Variants in HCRTR2 observed in about 807,000 individuals in gnomAD.
The protein encoded by HCRTR2 is hypocretin receptor 2, also known as orexin receptor type 2.
HCRTR2 carries 22 observed loss-of-function variants against 49.0 expected under a neutral mutation model. The ratio of observed to expected loss-of-function variants is 0.45; its 90% CI spans 0.32 to 0.64. The LOEUF is 0.64. HCRTR2 is among the 30% of genes least tolerant of loss of function. HCRTR2 has a pLI of 0.04. For synonymous variants in HCRTR2, 236 were observed against 205.3 expected, an observed-to-expected ratio of 1.15 and a Z score of -1.28; for missense variants, 491 against 559.4, an observed-to-expected ratio of 0.88 and a Z score of 1.23.
At chr6:55,113,106 C>T (rs545907975) in intron 1 of HCRTR2, among the ~76,000 whole-genome samples, 2 of 152,020 alleles carry the variant, frequency 1.3e-5, no homozygotes, top group Admixed American at 1.3e-4. Flanking sequence ...ATCCTCATTT[C>T]TCACCTTATA....
chr6:55,212,555 T>G (rs1233541036), intron 1 of HCRTR2, among the ~76,000 whole-genome samples: 2 of 152,264 alleles, frequency 1.3e-5, no homozygotes, highest in Non-Finnish European at 2.9e-5. Context: ...GAAGATTCTT[T>G]TGGGCCTCTT....
intron 3 of HCRTR2, among the ~76,000 whole-genome samples, chr6:55,257,597 T>TG (rs59889056): frequency 0.17 from 26,216 of 151,798 alleles, 2,748 homozygotes; most frequent in Non-Finnish European, 0.24. Context: ...CATGGATTCC[T>TG]GTTCAGTTAT....
intron 1 of HCRTR2, among the ~76,000 whole-genome samples, chr6:55,132,362 G>A (rs1037312203): frequency 6.6e-6 from 1 of 151,838 alleles, no homozygotes; most frequent in Non-Finnish European, 1.5e-5. Flanking sequence ...TGTCTGAAGT[G>A]CAGTAGCGAG....
At chr6:55,224,129 A>G (rs773531724) in intron 1 of HCRTR2, among the ~76,000 whole-genome samples, 2 of 152,168 alleles carry the variant, frequency 1.3e-5, no homozygotes, top group Non-Finnish European at 2.9e-5. Context: ...AAAGTGTTGT[A>G]TTTTCTTAAA....
intron 1 of HCRTR2, among the ~76,000 whole-genome samples, chr6:55,143,013 C>A (rs955926815): frequency 7.3e-6 from 1 of 136,952 alleles, no homozygotes; most frequent in East Asian, 1.9e-4. Flanking sequence ...GATAGACAGA[C>A]AGACAGATAG....
In HCRTR2 at chr6:55,280,270, C is replaced by T. The variant is rs528553321; in HGVS notation, c.984-53C>T. 5.4e-5 allele frequency: 65 copies of T among 1,205,548 alleles called. No homozygotes were observed. In the African/African-American group the frequency reaches 8.7e-4, roughly 16 times the overall value. The allele number at this position is 1,205,548 out of a possible 1,614,324, so 74.7% of individuals were successfully genotyped here. On this transcript the variant is annotated intron_variant, in intron 5 of 6. Transcript: ENST00000370862. ...CATCCTCTACCAATAGCCTTGTTCA[C>T]CTTTGAATTTAATTATTTAAAAGAC...
chr6:55,210,884 C>G (rs894750409), intron 1 of HCRTR2, among the ~76,000 whole-genome samples: 2 of 152,254 alleles, frequency 1.3e-5, no homozygotes, highest in African/African-American at 4.8e-5. Flanking sequence ...ATTGTTTTTA[C>G]TTCCTAAGAG....
intron 6 of HCRTR2, among the ~76,000 whole-genome samples, chr6:55,281,502 T>G (rs933705136): frequency 6.6e-6 from 1 of 152,214 alleles, no homozygotes; most frequent in African/African-American, 2.4e-5. Flanking sequence ...TGACTGCTAT[T>G]GTGCTGGGCC....
chr6:55,284,668 T>C, downstream of HCRTR2, among the ~76,000 whole-genome samples: 1 of 150,900 alleles, frequency 6.6e-6, no homozygotes, highest in East Asian at 1.9e-4. Context: ...TGTCATCTTA[T>C]TAAAAAAAAA....
chr6:55,151,837 G>A (rs1403696437), intron 1 of HCRTR2, among the ~76,000 whole-genome samples: 2 of 151,274 alleles, frequency 1.3e-5, no homozygotes, highest in African/African-American at 4.8e-5. Context: ...TTTGATCCAT[G>A]GACTACAAAG....
At chr6:55,134,803 C>A (rs1464220699) in intron 1 of HCRTR2, among the ~76,000 whole-genome samples, 1 of 151,996 alleles carries the variant, frequency 6.6e-6, no homozygotes. Context: ...TTGCAAATGG[C>A]AGGATTTCCT....
intron 1 of HCRTR2, among the ~76,000 whole-genome samples, chr6:55,246,918 G>A (rs1766455817): frequency 6.6e-6 from 1 of 152,008 alleles, no homozygotes; most frequent in Non-Finnish European, 1.5e-5. Context: ...TAGATATAAT[G>A]CATTAAGTCT....
At chr6:55,221,621 G>T (rs954384216) in intron 1 of HCRTR2, among the ~76,000 whole-genome samples, 1 of 152,150 alleles carries the variant, frequency 6.6e-6, no homozygotes, top group South Asian at 2.1e-4. Flanking sequence ...AGACCATCCT[G>T]GCTAACACAG....
At chr6:55,185,986 G>A (rs1765210890) in intron 1 of HCRTR2, among the ~76,000 whole-genome samples, 1 of 152,196 alleles carries the variant, frequency 6.6e-6, no homozygotes, top group African/African-American at 2.4e-5. Flanking sequence ...CTCTTAGAAT[G>A]CCAGCTTTGA....
intron 1 of HCRTR2, among the ~76,000 whole-genome samples, chr6:55,230,654 T>G (rs1188414610): frequency 4.6e-5 from 7 of 152,186 alleles, no homozygotes; most frequent in Non-Finnish European, 8.8e-5. Flanking sequence ...TAAACCACAG[T>G]ACACAGTTTT....
intron 1 of HCRTR2, among the ~76,000 whole-genome samples, chr6:55,240,209 T>A (rs1327661574): frequency 3.3e-5 from 5 of 151,362 alleles, no homozygotes; most frequent in African/African-American, 1.2e-4. Context: ...TACAAAAAAA[T>A]TAGCCAGGCG....
At chr6:55,208,078 G>A (rs1010272915) in intron 1 of HCRTR2, among the ~76,000 whole-genome samples, 1 of 151,988 alleles carries the variant, frequency 6.6e-6, no homozygotes, top group East Asian at 1.9e-4. Flanking sequence ...GAAAAATCAC[G>A]GATTGTTACC....
chr6:55,175,305 G>A lies in HCRTR2; in HGVS notation c.223+495G>A, dbSNP rs140755492. 4.3e-3 allele frequency among the ~76,000 whole-genome samples: 655 copies of A among 152,288 alleles called. 7 individuals are homozygous for A. The highest frequency in any genetic ancestry group is 0.015 in the African/African-American group (613 of 41,570). ...TGTGAGCTAGGTGGCATTGCCCTTT[G>A]GCGAGGAGGTTTAGTCTCCAGTCAA... is the stretch of plus-strand genomic sequence containing the variant. On this transcript the variant is annotated intron_variant, in intron 1 of 6. Transcript: ENST00000370862.
intron 1 of HCRTR2, among the ~76,000 whole-genome samples, chr6:55,109,875 T>A (rs1194858159): frequency 6.6e-6 from 1 of 152,080 alleles, no homozygotes; most frequent in African/African-American, 2.4e-5. Flanking sequence ...AAAGAACATC[T>A]GGGAAATTCA....
Sources: gnomAD v4.1 joint callset for allele counts (sites outside exome capture counted in the v4.1 genomes callset) on GRCh38, gnomAD v4.1.1 for gene constraint, MANE v1.5 for transcripts, NCBI Gene and HGNC (gene_info 2026-07-23, HGNC 2026-07-21) for gene names.